The following ABCA8 variants were observed in gnomAD, a reference collection of about 807,000 sequenced individuals.
ABCA8 encodes ATP binding cassette subfamily A member 8.
ABCA8 carries 177 observed loss-of-function variants against 192.3 expected under a neutral mutation model. The ratio of observed to expected loss-of-function variants is 0.92; its 90% CI spans 0.81 to 1.04. ABCA8 has a LOEUF of 1.04. Ranked by LOEUF, ABCA8 falls within the 50% of genes least tolerant of loss-of-function variation. The pLI is 0.00. For synonymous variants in ABCA8, 642 were observed against 690.2 expected (o/e 0.93, Z 1.09); for missense variants, 1,915 against 1,904.8 (o/e 1.01, Z -0.10).
At chr17:68,894,817 G>C in intron 22 of ABCA8, 63 bp downstream of exon 22, 1 of 1,503,520 alleles carries the variant, frequency 6.7e-7, no homozygotes, top group Non-Finnish European at 9.0e-7. Context: ...TTGGAAGCCT[G>C]AGTATATTGA....
chr17:68,887,898 ATATATATATCCATATATATATATATAT>A (rs1449417819), intron 24 of ABCA8, among the ~76,000 whole-genome samples: 1 of 45,638 alleles, frequency 2.2e-5, no homozygotes, highest in East Asian at 4.6e-3. Flanking sequence ...ATATATATAT[ATATATATATCCATATATATATATATAT>A]TATATATGGA....
chr17:68,885,200 G>A lies in ABCA8; in HGVS notation c.3545C>T (p.Ser1182Phe), dbSNP rs1283414241. 1 of 1,612,468 alleles carries A rather than the reference G, an allele frequency of 6.2e-7. No homozygotes were observed. Among genetic ancestry groups the A allele is most frequent in the Admixed American group, 1.7e-5 (1 of 59,798 alleles). ...ACAGACTGTGTCATTACTTACATGAGAAGATAAGAACAAACAGCCAATCAT... is the reference window on the plus strand; with the variant it reads ...ACAGACTGTGTCATTACTTACATGAAAAGATAAGAACAAACAGCCAATCAT... ...ATMIGCLFLS[S>F]HLLFSSLFSE... The change falls in exon 27 of 40, where the codon TCT becomes TTT. Residue 1182 changes from serine to phenylalanine, a missense_variant. Transcript: ENST00000586539.
intron 37 of ABCA8, among the ~76,000 whole-genome samples, chr17:68,874,885 AT>A (rs2066158636): frequency 6.6e-6 from 1 of 152,222 alleles, no homozygotes; most frequent in South Asian, 2.1e-4. Context: ...TTAACTTCTC[AT>A]GTGACCTAAC....
rs900039258 is a variant in ABCA8 at position 68,876,524 on chromosome 17, G to A, written c.4306C>T (p.Pro1436Ser). ...LCFVLSILGN[P>S]SVVLLDEPST... is the part of the protein sequence containing the mutation. ...GGCTCATCCAGAAGCACCACTGACG[G>A]GTTCCCCAGTATGCTCAGGACAAAG... The change falls in exon 35 of 40, where the codon CCG (proline) becomes TCG (serine). Residue 1436 changes from proline to serine, a missense_variant. Transcript: ENST00000586539. 2 of 1,613,896 alleles carry A rather than the reference G, an allele frequency of 1.2e-6. No homozygotes were observed. Among genetic ancestry groups the A allele is most frequent in the African/African-American group, 2.7e-5 (2 of 74,882 alleles).
At chr17:68,929,880 C>A (rs2067811699) in intron 7 of ABCA8, among the ~76,000 whole-genome samples, 178 bp from the exon 8 acceptor site, 1 of 136,840 alleles carries the variant, frequency 7.3e-6, no homozygotes, top group African/African-American at 2.8e-5. Context: ...GGGCAGAATT[C>A]TTTAGAATTA....
At chr17:68,942,125 C>A in intron 2 of ABCA8, 86 bp from the exon 3 acceptor site, 1 of 917,568 alleles carries the variant, frequency 1.1e-6, no homozygotes. Context: ...AAAAACGTAG[C>A]CTAATACTCC....
intron 28 of ABCA8, 99 bp from the exon 29 acceptor site, chr17:68,883,981 C>A: frequency 2.6e-6 from 2 of 775,982 alleles, no homozygotes; most frequent in Non-Finnish European, 4.1e-6. Context: ...AAAATACATT[C>A]AGTGAAATAA....
In ABCA8 at chr17:68,937,080, T is replaced by C; in HGVS notation, c.337A>G (p.Ile113Val). Residue 113 changes from isoleucine (I) to valine (V), a missense_variant, in exon 5 of 40, where the codon ATT (isoleucine) becomes GTT (valine). Physicochemically the swap from Ile to Val is conservative, Grantham distance 29. Coordinates refer to ENST00000586539, the MANE Select transcript of ABCA8 (RefSeq NM_001288985.2). ...GGATAATTTGCTGTGAATTCTTTAA[T>C]ACTTTCCTCATCTGGCAGTCCCAAG... The part of the protein sequence containing the change: ...EVLGLPDEES[I>V]KEFTANYPEE... 1 of 1,609,704 alleles carries C rather than the reference T, an allele frequency of 6.2e-7. No homozygotes were observed.
chr17:68,954,689 A>T (rs1206434528), intron 1 of ABCA8, among the ~76,000 whole-genome samples: 1 of 152,214 alleles, frequency 6.6e-6, no homozygotes, highest in East Asian at 1.9e-4. Flanking sequence ...AACGAGTAAA[A>T]GATCCTAGAA....
At chr17:68,918,398 A>G (rs1351327734) in intron 15 of ABCA8, 29 bp downstream of exon 15, 1 of 1,552,516 alleles carries the variant, frequency 6.4e-7, no homozygotes, top group South Asian at 1.2e-5. Flanking sequence ...TTAAACTTTG[A>G]ATTCACCTGC....
At chr17:68,905,284 AG>A (rs2067035354) in intron 19 of ABCA8, among the ~76,000 whole-genome samples, 1 of 152,222 alleles carries the variant, frequency 6.6e-6, no homozygotes, top group African/African-American at 2.4e-5. Context: ...CATAGGGAAG[AG>A]GAAAAAAAAT....
Position 68,929,037 on chromosome 17 carries a change from A to AT in ABCA8, c.1125+11dup. 6.8e-7 allele frequency: 1 copy of AT among 1,468,246 alleles called. No homozygotes were observed. The highest frequency in any genetic ancestry group is 9.1e-7 in the Non-Finnish European group (1 of 1,102,062). 91.0% of individuals were successfully genotyped at this position (1,468,246 alleles called of 1,614,324 possible). ...AGAAATGCCATTAATAGACATTCAG[A>AT]TGGCATCTCACCTGGGCCATTCCAA... On this transcript the variant is annotated intron_variant, in intron 9 of 39. Transcript: ENST00000586539.
intron 5 of ABCA8, 38 bp from the exon 6 acceptor site, chr17:68,933,309 C>A (rs747307127): frequency 3.1e-6 from 4 of 1,281,396 alleles, no homozygotes; most frequent in Non-Finnish European, 4.5e-6. Flanking sequence ...CATTACATCA[C>A]TATCTATATT....
chr17:68,871,378 C>G (rs1467269010), intron 37 of ABCA8, among the ~76,000 whole-genome samples: 1 of 152,050 alleles, frequency 6.6e-6, no homozygotes, highest in Non-Finnish European at 1.5e-5. Flanking sequence ...CTTTTAATAC[C>G]ATCAAAATGG....
intron 7 of ABCA8, among the ~76,000 whole-genome samples, chr17:68,930,061 C>A (rs554328317): frequency 6.6e-6 from 1 of 152,236 alleles, no homozygotes; most frequent in Admixed American, 6.5e-5. Flanking sequence ...TGCTCTGTAA[C>A]CTTGGGCAAC....
chr17:68,926,602 A>C (rs2067705970), intron 10 of ABCA8, among the ~76,000 whole-genome samples: 1 of 152,202 alleles, frequency 6.6e-6, no homozygotes, highest in Non-Finnish European at 1.5e-5. Context: ...CAGTTATGTA[A>C]TTTTTACCTC....
chr17:68,883,150 G>A (rs1354690158), intron 29 of ABCA8, among the ~76,000 whole-genome samples: 1 of 152,054 alleles, frequency 6.6e-6, no homozygotes, highest in African/African-American at 2.4e-5. Flanking sequence ...TAATATCCAG[G>A]ATATACTTAT....
Position 68,885,255 on chromosome 17 carries a change from T to C in ABCA8, c.3490A>G (p.Ile1164Val), listed in dbSNP as rs1377620226. The C allele has an allele frequency of 1.9e-6, 3 of 1,613,484 alleles. No homozygotes were observed. The highest frequency in any genetic ancestry group is 3.3e-5 in the Admixed American group (2 of 59,940). The change falls in exon 27 of 40, where the codon ATC becomes GTC. Residue 1164 changes from isoleucine to valine, a missense_variant. Physicochemically the swap from Ile to Val is conservative, Grantham distance 29. Transcript: ENST00000586539. Reference protein sequence around the residue: ...FSIFESDIPFIFTFLIPPATM... With the variant: ...FSIFESDIPFVFTFLIPPATM... ...GCAGGTGGTATTAAAAAAGTGAAGA[T>C]AAATGGAATATCACTTTCGAAGATA...
chr17:68,943,569 T>A (rs1254124235), intron 2 of ABCA8, among the ~76,000 whole-genome samples: 1 of 152,232 alleles, frequency 6.6e-6, no homozygotes, highest in Non-Finnish European at 1.5e-5. Flanking sequence ...AGATAATCTA[T>A]AAAATTATAA....
Sources: gnomAD v4.1 joint callset for allele counts (sites outside exome capture counted in the v4.1 genomes callset) on GRCh38, gnomAD v4.1.1 for gene constraint, MANE v1.5 for transcripts, NCBI Gene and HGNC (gene_info 2026-07-23, HGNC 2026-07-21) for gene names.